The following TLE4 variants were observed in gnomAD, a reference collection of about 807,000 sequenced individuals.
TLE4 encodes the protein transducin-like enhancer protein 4.
Under a neutral mutation model 92.8 loss-of-function variants are expected in TLE4, and 8 were observed. The ratio of observed to expected loss-of-function variants is 0.09; its 90% CI spans 0.05 to 0.16. The LOEUF is 0.16. Ranked by LOEUF, TLE4 falls within the 10% of genes least tolerant of loss-of-function variation. The pLI is 1.00. For synonymous variants in TLE4, 371 were observed against 374.1 expected, an observed-to-expected ratio of 0.99 and a Z score of 0.10; for missense variants, 675 against 997.6, an observed-to-expected ratio of 0.68 and a Z score of 4.36.
chr9:79,690,614 T>C (rs1488050824), intron 8 of TLE4, among the ~76,000 whole-genome samples: 1 of 145,176 alleles, frequency 6.9e-6, no homozygotes, highest in Non-Finnish European at 1.5e-5. Context: ...CTCCTGCTTC[T>C]TTTTTTTTTT....
At chr9:79,647,860 G>GAA (rs2058331500) in intron 6 of TLE4, among the ~76,000 whole-genome samples, 2 of 152,030 alleles carry the variant, frequency 1.3e-5, no homozygotes, top group Non-Finnish European at 2.9e-5. Flanking sequence ...TTGAGAGACA[G>GAA]TGGTGGAGAT....
intron 8 of TLE4, 77 bp downstream of exon 8, chr9:79,654,152 C>A (rs1456279422): frequency 2.1e-6 from 3 of 1,416,994 alleles, no homozygotes; most frequent in South Asian, 1.2e-5. Context: ...GTAAAGAATT[C>A]TTTGAGATTT....
intron 4 of TLE4, among the ~76,000 whole-genome samples, chr9:79,581,716 A>G (rs973290052): frequency 3.3e-5 from 5 of 152,214 alleles, no homozygotes; most frequent in Admixed American, 3.3e-4. Flanking sequence ...CTTCAAATAA[A>G]TTTATGTGGG....
At chr9:79,692,415 A>G (rs2067263652) in intron 8 of TLE4, among the ~76,000 whole-genome samples, 1 of 152,186 alleles carries the variant, frequency 6.6e-6, no homozygotes, top group South Asian at 2.1e-4. Flanking sequence ...CATTCACAGC[A>G]GCTCTCCAGG....
At chr9:79,674,238 G>T (rs1475676) in intron 8 of TLE4, among the ~76,000 whole-genome samples, 80,591 of 151,996 alleles carry the variant, frequency 0.53, 24,073 homozygotes, top group East Asian at 0.74. Flanking sequence ...AATTAGCACT[G>T]TGGGTGCATA....
chr9:79,705,048 G>A (rs2071127271), intron 9 of TLE4, 146 bp downstream of exon 9: 2 of 1,246,240 alleles, frequency 1.6e-6, no homozygotes, highest in East Asian at 4.8e-5. Context: ...TTATAGCTCT[G>A]TAGCCATTGG....
intron 6 of TLE4, among the ~76,000 whole-genome samples, chr9:79,635,237 G>T (rs1227402093): frequency 6.6e-6 from 1 of 151,898 alleles, no homozygotes; most frequent in East Asian, 1.9e-4. Flanking sequence ...GATGTTAAGT[G>T]TCTTTTTTGC....
At position 79,592,216 on chromosome 9, in the gene TLE4, CTCT is replaced by C. The variant is rs528773975; in HGVS notation, c.252+16057_252+16059del. On this transcript the variant is annotated intron_variant, in intron 4 of 19. Coordinates refer to ENST00000376552, the MANE Select transcript of TLE4 (RefSeq NM_007005.6). ...CTTCTTCTTCTTCTTCTTCTTCTTCCTCTTCTTCTTCTTCTTCTTCCTTCTGCT... is the reference window on the plus strand; with the variant it reads ...CTTCTTCTTCTTCTTCTTCTTCTTCCTCTTCTTCTTCTTCTTCCTTCTGCT... Among the ~76,000 whole-genome samples, 179 of 98,318 alleles carry C rather than the reference CTCT, an allele frequency of 1.8e-3. 1 individual carries two copies. Among genetic ancestry groups the C allele is most frequent in the South Asian group, 3.2e-3 (9 of 2,836 alleles). The allele number at this position is 98,318 out of a possible 152,430, so 64.5% of individuals were successfully genotyped here.
At chr9:79,682,466 C>G (rs954574190) in intron 8 of TLE4, among the ~76,000 whole-genome samples, 3 of 152,078 alleles carry the variant, frequency 2.0e-5, no homozygotes, top group Admixed American at 6.6e-5. Context: ...ATCTCTAACT[C>G]TCATTGAAAA....
Position 79,726,601 on chromosome 9 carries a change from A to G in TLE4, c.*1457A>G, listed in dbSNP as rs2136350865. On this transcript the variant is annotated 3_prime_UTR_variant, in exon 20 of 20. Transcript: ENST00000376552. ...TTGATGTCATTAACAGTTTCGTAAA[A>G]CTCTACAGTGTAGAAAGATTTTGAT... 6.6e-6 allele frequency: 1 copy of G among 152,576 alleles called. No homozygotes were observed. The highest frequency in any genetic ancestry group is 2.1e-4 in the South Asian group (1 of 4,818). 9.5% of individuals were successfully genotyped at this position (152,576 alleles called of 1,614,324 possible).
chr9:79,683,599 T>C (rs2065186781), intron 8 of TLE4, among the ~76,000 whole-genome samples: 1 of 152,340 alleles, frequency 6.6e-6, no homozygotes, highest in Middle Eastern at 3.4e-3. Context: ...ATTATGTAAG[T>C]TACATCAACA....
At chr9:79,719,114 T>TG in intron 15 of TLE4, 143 bp downstream of exon 15, 2 of 1,270,604 alleles carry the variant, frequency 1.6e-6, no homozygotes, top group Non-Finnish European at 1.1e-6. Flanking sequence ...ATCTTTCACT[T>TG]GGAGGTGTGT....
chr9:79,708,866 C>G, intron 13 of TLE4, 80 bp downstream of exon 13: 1 of 1,470,590 alleles, frequency 6.8e-7, no homozygotes, highest in Non-Finnish European at 9.1e-7. Flanking sequence ...GGGTCTCGCT[C>G]TGTCACCCAG....
In TLE4 at chr9:79,692,922, C is replaced by T. The variant is rs572509389; in HGVS notation, c.610-11861C>T. ...ACTATAGCAGTGACAATCCTGTAGGCGAAATATCCTTATCTCCGTTTTATA... is the reference window on the plus strand; with the variant it reads ...ACTATAGCAGTGACAATCCTGTAGGTGAAATATCCTTATCTCCGTTTTATA... On this transcript the variant is annotated intron_variant, in intron 8 of 19. Coordinates refer to ENST00000376552, the MANE Select transcript of TLE4 (RefSeq NM_007005.6). Among the ~76,000 whole-genome samples, 9 of 152,210 alleles carry T rather than the reference C, an allele frequency of 5.9e-5. No individual in the cohort carries two copies. In the East Asian group the frequency reaches 1.2e-3, roughly 20 times the overall value.
In TLE4 at chr9:79,704,779, C is replaced by A. The variant is rs2071039398; in HGVS notation, c.610-4C>A. Reference sequence around the variant, plus strand: ...AACCATGCTTCCTCTCCTTCTAATTCCAGAGCTCTTCAGTATCCCCATCAG... The same window carrying A: ...AACCATGCTTCCTCTCCTTCTAATTACAGAGCTCTTCAGTATCCCCATCAG... On this transcript the variant is annotated splice_polypyrimidine_tract_variant and splice_region_variant and intron_variant, in intron 8 of 19. Transcript: ENST00000376552. The A allele has an allele frequency of 6.8e-6, 11 of 1,611,842 alleles. No individual in the cohort carries two copies. The highest frequency in any genetic ancestry group is 8.5e-6 in the Non-Finnish European group (10 of 1,179,442).
In TLE4 at chr9:79,585,520, C is replaced by T. The variant is rs1012588447; in HGVS notation, c.252+9343C>T. Among the ~76,000 whole-genome samples, 24 of 152,176 alleles carry T rather than the reference C, an allele frequency of 1.6e-4. 1 individual carries two copies. The highest frequency in any genetic ancestry group is 1.4e-3 in the Admixed American group (22 of 15,278). ...GCTAGTCACCAGCTTTGTGATATTG[C>T]TGAGTACCGTACCTTTAAGGGCCAT... On this transcript the variant is annotated intron_variant, in intron 4 of 19. Coordinates refer to ENST00000376552, the MANE Select transcript of TLE4 (RefSeq NM_007005.6).
Position 79,572,933 on chromosome 9 carries a change from G to C in TLE4, c.45+98G>C, listed in dbSNP as rs1380471999. 8 of 1,321,864 alleles carry C rather than the reference G, an allele frequency of 6.1e-6. No individual in the cohort carries two copies. The South Asian group carries it at 6.7e-5, about 11-fold the overall frequency. 81.9% of individuals were successfully genotyped at this position (1,321,864 alleles called of 1,614,324 possible). ...TTGTGTCTTTTGGCCGGAGGGGCGTGGAGAGCCGCCCGAAATCGGCGCCCC... is the reference window on the plus strand; with the variant it reads ...TTGTGTCTTTTGGCCGGAGGGGCGTCGAGAGCCGCCCGAAATCGGCGCCCC... On this transcript the variant is annotated intron_variant, in intron 1 of 19. Transcript: ENST00000376552.
At chr9:79,598,260 AAAG>A (rs1483825971) in intron 4 of TLE4, among the ~76,000 whole-genome samples, 3 of 151,408 alleles carry the variant, frequency 2.0e-5, no homozygotes, top group African/African-American at 7.3e-5. Flanking sequence ...AAAAAAAAAA[AAAG>A]AAAAAAAAAA....
intron 4 of TLE4, among the ~76,000 whole-genome samples, chr9:79,607,514 C>G (rs1473279205): frequency 2.0e-5 from 3 of 151,992 alleles, no homozygotes; most frequent in Non-Finnish European, 4.4e-5. Context: ...AGGTCTTACA[C>G]TTAAGTCTTT....
Sources: gnomAD v4.1 joint callset for allele counts (sites outside exome capture counted in the v4.1 genomes callset) on GRCh38, gnomAD v4.1.1 for gene constraint, MANE v1.5 for transcripts, NCBI Gene and HGNC (gene_info 2026-07-23, HGNC 2026-07-21) for gene names.